Variants in SLC10A7 observed in about 807,000 individuals in gnomAD.
SLC10A7 encodes sodium/bile acid cotransporter 7.
A neutral mutation model predicts 43.2 loss-of-function variants in SLC10A7; 29 were observed. That is an observed-to-expected ratio of 0.67 (90% CI 0.50 to 0.92). The LOEUF (loss-of-function observed/expected upper bound fraction) is 0.92. Among genes scored for constraint, SLC10A7 ranks in the 40% least tolerant of loss-of-function variants. The probability of loss-of-function intolerance (pLI) is 0.00; values close to 1 mark genes in which losing one functional copy is unlikely to be tolerated. For synonymous variants in SLC10A7, 152 were observed against 144.8 expected (o/e 1.05, Z -0.35); for missense variants, 295 against 403.2 (o/e 0.73, Z 2.30).
intron 4 of SLC10A7, among the ~76,000 whole-genome samples, chr4:146,475,750 C>T (rs1452746069): frequency 1.3e-5 from 2 of 151,996 alleles, no homozygotes; most frequent in African/African-American, 4.8e-5. Context: ...AAATAAATAC[C>T]TCAAAAAACC....
At chr4:146,510,154 T>C in intron 2 of SLC10A7, 105 bp from the exon 3 acceptor site, 1 of 1,047,830 alleles carries the variant, frequency 9.5e-7, no homozygotes, top group Admixed American at 3.3e-5. Flanking sequence ...ATTTTGGGTT[T>C]TTTCATAGCT....
rs74908782 is a variant in SLC10A7 at position 146,329,444 on chromosome 4, C to T, written c.436-3448G>A. Among the ~76,000 whole-genome samples the T allele has an allele frequency of 6.7e-3, 1,026 of 152,278 alleles. 14 individuals carry two copies. Among genetic ancestry groups the T allele is most frequent in the African/African-American group, 0.023 (970 of 41,546 alleles). ...TAGCTATGTTATTTTATGTAATCCT[C>T]ACACTCTCTGACATAGGTACTATTA... On this transcript the variant is annotated intron_variant, in intron 5 of 11. Transcript: ENST00000335472.
chr4:146,309,238 A>T (rs1233389934), intron 6 of SLC10A7, among the ~76,000 whole-genome samples: 1 of 152,098 alleles, frequency 6.6e-6, no homozygotes, highest in East Asian at 1.9e-4. Flanking sequence ...GTGTATCTGA[A>T]TTGTACCTCT....
intron 5 of SLC10A7, among the ~76,000 whole-genome samples, chr4:146,407,240 T>C (rs914739377): frequency 3.3e-5 from 5 of 152,206 alleles, no homozygotes; most frequent in Admixed American, 3.3e-4. Context: ...GTATAATTGA[T>C]ATACAAATAA....
chr4:146,284,624 T>C (rs1266335573), intron 9 of SLC10A7, among the ~76,000 whole-genome samples: 1 of 152,246 alleles, frequency 6.6e-6, no homozygotes, highest in Non-Finnish European at 1.5e-5. Flanking sequence ...GAATTTTTGG[T>C]GTCTCACTTC....
At chr4:146,443,278 G>C (rs1348377964) in intron 4 of SLC10A7, among the ~76,000 whole-genome samples, 3 of 152,134 alleles carry the variant, frequency 2.0e-5, no homozygotes, top group Non-Finnish European at 4.4e-5. Context: ...GGTAAGATCT[G>C]TTTCTATACA....
intron 6 of SLC10A7, among the ~76,000 whole-genome samples, chr4:146,311,728 C>T (rs1291494874): frequency 6.6e-6 from 1 of 152,104 alleles, no homozygotes; most frequent in Non-Finnish European, 1.5e-5. Flanking sequence ...CTCTCCACAT[C>T]ACCCGCAGAG....
intron 4 of SLC10A7, among the ~76,000 whole-genome samples, chr4:146,464,974 G>A (rs184414301): frequency 1.3e-5 from 2 of 152,156 alleles, no homozygotes; most frequent in East Asian, 1.9e-4. Context: ...GCTCAGATTC[G>A]TGATTCTTTG....
chr4:146,432,616 A>G (rs1729859287), intron 5 of SLC10A7, among the ~76,000 whole-genome samples: 1 of 152,218 alleles, frequency 6.6e-6, no homozygotes, highest in Non-Finnish European at 1.5e-5. Flanking sequence ...TTGACTCCAA[A>G]GGGCAAGAAG....
intron 4 of SLC10A7, among the ~76,000 whole-genome samples, chr4:146,498,881 C>CA (rs1388892151): frequency 3.3e-5 from 5 of 152,092 alleles, no homozygotes; most frequent in Non-Finnish European, 5.9e-5. Flanking sequence ...CAACCCATGA[C>CA]AAAATCTTTT....
At chr4:146,397,404 G>A (rs150479789) in intron 5 of SLC10A7, among the ~76,000 whole-genome samples, 1 of 152,252 alleles carries the variant, frequency 6.6e-6, no homozygotes, top group East Asian at 1.9e-4. Flanking sequence ...GGATAAAATA[G>A]TTCTGCTTTA....
intron 4 of SLC10A7, among the ~76,000 whole-genome samples, chr4:146,501,061 C>T (rs1736367799): frequency 6.6e-6 from 1 of 152,136 alleles, no homozygotes; most frequent in African/African-American, 2.4e-5. Context: ...TCTCTGTTGC[C>T]TTTGCTGGTT....
Position 146,509,938 on chromosome 4 carries a change from G to C in SLC10A7, c.295C>G (p.Pro99Ala), listed in dbSNP as rs1352594518. 1 of 1,613,570 alleles carries C rather than the reference G, an allele frequency of 6.2e-7. No individual in the cohort carries two copies. Among genetic ancestry groups the C allele is most frequent in the Non-Finnish European group, 8.5e-7 (1 of 1,179,806 alleles). The change falls in exon 3 of 12, where the codon CCC becomes GCC. Residue 99 changes from proline to alanine, a missense_variant. Transcript: ENST00000335472. ...CCTTTTAAAAGCCATTCGTTGATGG[G>C]TGTGATTGATAAAAGCTGAAGAAAA... is the stretch of plus-strand genomic sequence containing the variant. ...WLFLQLLSIT[P>A]INEWLLKGLQ... is the part of the protein sequence containing the mutation.
chr4:146,418,469 T>C (rs1728728826), intron 5 of SLC10A7, among the ~76,000 whole-genome samples: 1 of 152,176 alleles, frequency 6.6e-6, no homozygotes, highest in East Asian at 1.9e-4. Flanking sequence ...AAAAGAATAA[T>C]AGGATCTCTG....
intron 5 of SLC10A7, among the ~76,000 whole-genome samples, chr4:146,412,322 T>C (rs1466713231): frequency 6.6e-6 from 1 of 152,172 alleles, no homozygotes; most frequent in Non-Finnish European, 1.5e-5. Context: ...CCTCAAACAT[T>C]AGTATTGATT....
chr4:146,339,658 T>C lies in SLC10A7; in HGVS notation c.436-13662A>G, dbSNP rs532003400. Among the ~76,000 whole-genome samples, 407 of 151,944 alleles carry C rather than the reference T, an allele frequency of 2.7e-3. 1 individual carries two copies. The highest frequency in any genetic ancestry group is 9.2e-3 in the African/African-American group (380 of 41,472). On this transcript the variant is annotated intron_variant, in intron 5 of 11. Coordinates refer to ENST00000335472, the MANE Select transcript of SLC10A7 (RefSeq NM_001029998.6). ...TTCCTTCCCTATCTACCTCTCACCA[T>C]TGACACCAATTTTAAACAGGTTTCT...
chr4:146,290,349 G>A (rs1730359001), intron 9 of SLC10A7, among the ~76,000 whole-genome samples: 2 of 148,504 alleles, frequency 1.3e-5, no homozygotes, highest in African/African-American at 4.9e-5. Context: ...AAAAAAAAAG[G>A]TACAGATATT....
rs181570590 is a variant in SLC10A7, at chr4:146,266,697, C to A, written c.848-7860G>T. Among the ~76,000 whole-genome samples the A allele has an allele frequency of 1.8e-3, 273 of 152,262 alleles. 3 individuals are homozygous for A. Among genetic ancestry groups the A allele is most frequent in the African/African-American group, 6.1e-3 (255 of 41,538 alleles). ...AGTTGTTTTTCAAGCAGGGATTTAT[C>A]ATTGATCATATCCAGTAATGTGCCT... On this transcript the variant is annotated intron_variant, in intron 10 of 11. Coordinates refer to ENST00000335472, the MANE Select transcript of SLC10A7 (RefSeq NM_001029998.6).
At chr4:146,516,494 A>ATGTG (rs1738005798) in intron 2 of SLC10A7, among the ~76,000 whole-genome samples, 3 of 149,126 alleles carry the variant, frequency 2.0e-5, no homozygotes, top group African/African-American at 7.4e-5. Context: ...ATATACACAT[A>ATGTG]TACATATACA....
Sources: gnomAD v4.1 joint callset for allele counts (sites outside exome capture counted in the v4.1 genomes callset) on GRCh38, gnomAD v4.1.1 for gene constraint, MANE v1.5 for transcripts, NCBI Gene and HGNC (gene_info 2026-07-23, HGNC 2026-07-21) for gene names.